The following POU2AF2 variants were observed in gnomAD, a reference collection of about 807,000 sequenced individuals.
POU2AF2 encodes POU domain class 2-associating factor 2.
the POU2AF2 span, among the ~76,000 whole-genome samples, chr11:111,264,488 T>A: frequency 1.0e-5 from 1 of 98,366 alleles, no homozygotes; most frequent in African/African-American, 4.3e-5. Flanking sequence ...AGAGCAAGAC[T>A]CACGAAAGAA....
chr11:111,253,616 T>A, the POU2AF2 span, among the ~76,000 whole-genome samples: 1 of 152,180 alleles, frequency 6.6e-6, no homozygotes, highest in Admixed American at 6.5e-5. Context: ...TGACTGATCT[T>A]CCCGCAGCTT....
At chr11:111,269,885 C>A in the POU2AF2 span, among the ~76,000 whole-genome samples, 1 of 152,240 alleles carries the variant, frequency 6.6e-6, no homozygotes, top group Non-Finnish European at 1.5e-5. Context: ...AATTCTGCAA[C>A]CATCTGAGCT....
At chr11:111,280,990 G>C in the POU2AF2 span, among the ~76,000 whole-genome samples, 211 of 152,320 alleles carry the variant, frequency 1.4e-3, no homozygotes, top group African/African-American at 5.0e-3. Context: ...ATGGCAATCA[G>C]GTGTGGTGCT....
the POU2AF2 span, among the ~76,000 whole-genome samples, chr11:111,251,130 G>C: frequency 6.6e-6 from 1 of 152,140 alleles, no homozygotes; most frequent in Non-Finnish European, 1.5e-5. Flanking sequence ...CAGTTGGAAG[G>C]CTGCCACAGT....
At chr11:111,270,740 C>A in the POU2AF2 span, among the ~76,000 whole-genome samples, 1 of 152,124 alleles carries the variant, frequency 6.6e-6, no homozygotes, top group Non-Finnish European at 1.5e-5. Context: ...GAAGAGAGCC[C>A]TGGAAATTGT....
chr11:111,268,481 TATTTTATTTTATTTTATTTTA>T, the POU2AF2 span, among the ~76,000 whole-genome samples: 632 of 103,116 alleles, frequency 6.1e-3, 45 homozygotes, highest in East Asian at 0.039. Flanking sequence ...TTTCTTTTTT[TATTTTATTTTATTTTATTTTA>T]TTTTATTTTA....
the POU2AF2 span, chr11:111,285,561 A>AGGCT: frequency 1.4e-6 from 2 of 1,401,956 alleles, no homozygotes. Flanking sequence ...GAGGGGACGA[A>AGGCT]GGCTGCCCTG....
At chr11:111,271,975 T>C in the POU2AF2 span, among the ~76,000 whole-genome samples, 4 of 152,154 alleles carry the variant, frequency 2.6e-5, no homozygotes, top group East Asian at 5.8e-4. Context: ...CAAGATTGTG[T>C]CATTGCACTC....
At chr11:111,249,630 G>A in the POU2AF2 span, among the ~76,000 whole-genome samples, 120 of 152,166 alleles carry the variant, frequency 7.9e-4, no homozygotes, top group South Asian at 4.4e-3. Flanking sequence ...TCCCAAACTC[G>A]ACTGTCTTTC....
the POU2AF2 span, among the ~76,000 whole-genome samples, chr11:111,260,826 A>G: frequency 6.6e-6 from 1 of 152,234 alleles, no homozygotes; most frequent in African/African-American, 2.4e-5. Flanking sequence ...CATATTCTGC[A>G]TATTCTGAAA....
the POU2AF2 span, chr11:111,245,796 C>T: frequency 2.5e-6 from 1 of 398,708 alleles, no homozygotes. Flanking sequence ...GGAGTGAACA[C>T]CATTCACAAG....
the POU2AF2 span, among the ~76,000 whole-genome samples, chr11:111,264,597 A>AGAG: frequency 2.5e-4 from 38 of 149,564 alleles, 8 homozygotes; most frequent in South Asian, 1.1e-3. Flanking sequence ...AGACAGAAAG[A>AGAG]AGAAAGAGAC....
the POU2AF2 span, among the ~76,000 whole-genome samples, chr11:111,256,738 G>A: frequency 2.5e-3 from 388 of 152,332 alleles, 3 homozygotes; most frequent in African/African-American, 8.9e-3. Flanking sequence ...GGCTACTGTA[G>A]TTCATGGCAA....
the POU2AF2 span, among the ~76,000 whole-genome samples, chr11:111,262,226 T>C: frequency 1.3e-5 from 2 of 152,214 alleles, no homozygotes; most frequent in Non-Finnish European, 2.9e-5. Context: ...AGTATGACAA[T>C]AGTACGTATT....
the POU2AF2 span, among the ~76,000 whole-genome samples, chr11:111,279,459 G>A: frequency 1.3e-5 from 2 of 152,206 alleles, no homozygotes; most frequent in Admixed American, 6.5e-5. Flanking sequence ...TCCCTCTGGA[G>A]CCTCTGGGGA....
At chr11:111,254,094 A>T in the POU2AF2 span, among the ~76,000 whole-genome samples, 4 of 152,348 alleles carry the variant, frequency 2.6e-5, no homozygotes, top group East Asian at 7.7e-4. Flanking sequence ...TTGTATCCCC[A>T]GTTCTGACAC....
chr11:111,258,828 T>A, the POU2AF2 span, among the ~76,000 whole-genome samples: 1 of 152,220 alleles, frequency 6.6e-6, no homozygotes, highest in Non-Finnish European at 1.5e-5. Flanking sequence ...TGCCATAGAA[T>A]AAAGAGCAAG....
At chr11:111,249,086 G>A in the POU2AF2 span, among the ~76,000 whole-genome samples, 59 of 152,254 alleles carry the variant, frequency 3.9e-4, no homozygotes, top group African/African-American at 1.4e-3. Context: ...AGGATGAGTC[G>A]ATTCCTATTA....
chr11:111,261,576 A>T, the POU2AF2 span, among the ~76,000 whole-genome samples: 3 of 151,926 alleles, frequency 2.0e-5, no homozygotes, highest in Non-Finnish European at 4.4e-5. Context: ...TGAGGGGGGA[A>T]AAATGTAAAA....
Sources: allele counts gnomAD v4.1 joint callset (sites outside exome capture counted in the v4.1 genomes callset), GRCh38; gene constraint gnomAD v4.1.1; transcripts MANE v1.5; gene names NCBI Gene and HGNC (gene_info 2026-07-23, HGNC 2026-07-21).